Variants in CCDC158 observed in about 807,000 individuals in gnomAD.
The protein encoded by CCDC158 is coiled-coil domain-containing protein 158.
CCDC158 carries 116 observed loss-of-function variants against 138.6 expected under a neutral mutation model. The observed-to-expected ratio is 0.84, with a 90% CI of 0.72 to 0.98. The LOEUF (loss-of-function observed/expected upper bound fraction) is 0.98. CCDC158 is among the 50% of genes least tolerant of loss of function. CCDC158 has a pLI of 0.00. For synonymous variants in CCDC158, 436 were observed against 442.4 expected (o/e 0.99, Z 0.18); for missense variants, 1,265 against 1,306.1 (o/e 0.97, Z 0.48).
At chr4:76,388,053 T>C (rs1319741829) in intron 4 of CCDC158, among the ~76,000 whole-genome samples, 1 of 151,776 alleles carries the variant, frequency 6.6e-6, no homozygotes, top group East Asian at 1.9e-4. Flanking sequence ...TAAAGAGCTC[T>C]TGGGCCCTGA....
chr4:76,406,674 T>C (rs1728852855), intron 2 of CCDC158, among the ~76,000 whole-genome samples: 1 of 151,850 alleles, frequency 6.6e-6, no homozygotes, highest in South Asian at 2.1e-4. Context: ...AAAATCAAAA[T>C]CTCCAAATTA....
At chr4:76,374,274 A>G (rs1157689601) in intron 9 of CCDC158, among the ~76,000 whole-genome samples, 2 of 152,254 alleles carry the variant, frequency 1.3e-5, no homozygotes. Context: ...AAAATGAATG[A>G]ACAATATCAA....
chr4:76,392,276 G>A (rs1179820558), intron 4 of CCDC158, among the ~76,000 whole-genome samples: 4 of 151,968 alleles, frequency 2.6e-5, no homozygotes, highest in Non-Finnish European at 5.9e-5. Flanking sequence ...CATATATCAT[G>A]ACTAAGTGGG....
rs2110130637 is a variant in CCDC158, at chr4:76,340,228, T to TG, written c.2665-6062_2665-6061insC. 3.3e-5 allele frequency among the ~76,000 whole-genome samples: 5 copies of TG among 152,358 alleles called. No homozygotes were observed. In the South Asian group the frequency reaches 1.0e-3, roughly 32 times the overall value. The stretch of plus-strand genomic sequence containing the variant: ...TGGGATTTTTGACATGTGTCAAAAT[T>TG]ATCAGAGATTTTGAAAGAGGCTGTG... On this transcript the variant is annotated intron_variant, in intron 18 of 24. Coordinates refer to ENST00000682701, the MANE Select transcript of CCDC158 (RefSeq NM_001394954.1).
At position 76,396,404 on chromosome 4, in the gene CCDC158, A is replaced by T; in HGVS notation, c.153T>A (p.Val51=). ...CCACTTCATATTTAGGGAAAAAAGG[A>T]ACCTGTGTCAAAGTCCCAGCTGAAG... ...NTSSAGTLTQ[V]PFFPKYEVEL... Residue 51 remains valine (V), a synonymous_variant, in exon 4 of 25, where the codon GTT becomes GTA. Transcript: ENST00000682701. 2 of 1,614,006 alleles carry T rather than the reference A, an allele frequency of 1.2e-6. No homozygotes were observed. Among genetic ancestry groups the T allele is most frequent in the East Asian group, 2.2e-5 (1 of 44,854 alleles).
At chr4:76,322,690 A>G (rs552941976) in intron 24 of CCDC158, among the ~76,000 whole-genome samples, 62 of 152,348 alleles carry the variant, frequency 4.1e-4, no homozygotes, top group African/African-American at 1.5e-3. Context: ...GGATTCATGA[A>G]GGCGGGTTAT....
chr4:76,420,552 C>T (rs1369973539), intron 1 of CCDC158, among the ~76,000 whole-genome samples: 2 of 152,222 alleles, frequency 1.3e-5, no homozygotes, highest in South Asian at 2.1e-4. Flanking sequence ...TGAAAGGGCC[C>T]TTGCGCCGGC....
Position 76,379,285 on chromosome 4 carries a change from CT to C in CCDC158, c.1029+4del, listed in dbSNP as rs765085096. Reference sequence around the variant, plus strand: ...TAGAAACAGACCAGCAAAACCTAAACTCACCTTGTCTTCATACATCCTTTTG... The same window carrying C: ...TAGAAACAGACCAGCAAAACCTAAACCACCTTGTCTTCATACATCCTTTTG... On this transcript the variant is annotated splice_donor_region_variant and intron_variant, in intron 9 of 24. Coordinates refer to ENST00000682701, the MANE Select transcript of CCDC158 (RefSeq NM_001394954.1). The C allele has an allele frequency of 3.6e-5, 56 of 1,574,364 alleles. No individual in the cohort carries two copies. Among genetic ancestry groups the C allele is most frequent in the Non-Finnish European group, 4.7e-5 (54 of 1,155,906 alleles).
At chr4:76,335,680 A>G (rs1721413845) in intron 18 of CCDC158, among the ~76,000 whole-genome samples, 1 of 152,106 alleles carries the variant, frequency 6.6e-6, no homozygotes, top group African/African-American at 2.4e-5. Context: ...CCCAGGCTCA[A>G]GCAATCCTCC....
At chr4:76,385,212 A>G (rs1726674981) in intron 4 of CCDC158, among the ~76,000 whole-genome samples, 1 of 152,236 alleles carries the variant, frequency 6.6e-6, no homozygotes, top group African/African-American at 2.4e-5. Flanking sequence ...CTGCCCATGA[A>G]TAGAAAGTTT....
intron 22 of CCDC158, among the ~76,000 whole-genome samples, chr4:76,326,981 TGTG>T (rs1191311380): frequency 1.3e-5 from 2 of 152,118 alleles, no homozygotes; most frequent in Admixed American, 6.5e-5. Context: ...AATAATTAAA[TGTG>T]GTATTCATAT....
At chr4:76,374,214 A>G (rs1725513387) in intron 9 of CCDC158, among the ~76,000 whole-genome samples, 1 of 152,198 alleles carries the variant, frequency 6.6e-6, no homozygotes. Context: ...AAAAGAAATG[A>G]AAAAGTCCCA....
chr4:76,341,936 C>T (rs528725262), intron 18 of CCDC158, among the ~76,000 whole-genome samples: 8 of 152,212 alleles, frequency 5.3e-5, no homozygotes, highest in East Asian at 1.9e-4. Flanking sequence ...TATCTATTTA[C>T]GTCATCAACT....
chr4:76,395,530 T>G (rs1306753905), intron 4 of CCDC158, among the ~76,000 whole-genome samples: 2 of 152,110 alleles, frequency 1.3e-5, no homozygotes, highest in Non-Finnish European at 2.9e-5. Flanking sequence ...GGCTGAGTCT[T>G]GGTGCATAAT....
intron 3 of CCDC158, among the ~76,000 whole-genome samples, chr4:76,397,858 T>G (rs1304158920): frequency 3.3e-5 from 5 of 152,184 alleles, no homozygotes; most frequent in Admixed American, 2.0e-4. Flanking sequence ...CTAAATATGA[T>G]TCCCTCCTAA....
chr4:76,318,271 T>C (rs1457401766), intron 24 of CCDC158, among the ~76,000 whole-genome samples: 1 of 152,052 alleles, frequency 6.6e-6, no homozygotes, highest in Middle Eastern at 3.2e-3. Flanking sequence ...TTAGTGAGAT[T>C]AACCAAGAAA....
intron 9 of CCDC158, among the ~76,000 whole-genome samples, chr4:76,377,112 G>T (rs946197399): frequency 1.3e-5 from 2 of 152,108 alleles, no homozygotes; most frequent in Non-Finnish European, 2.9e-5. Context: ...GGACATTTCA[G>T]TATTTGTGAA....
intron 3 of CCDC158, among the ~76,000 whole-genome samples, chr4:76,397,069 T>C (rs1394548016): frequency 1.3e-5 from 2 of 152,186 alleles, no homozygotes; most frequent in Admixed American, 1.3e-4. Context: ...GGGGGCAAAC[T>C]GGTGGTGGTT....
rs1298051999 is a variant in CCDC158 at position 76,367,562 on chromosome 4, T to C, written c.1562A>G (p.Lys521Arg). 1 of 1,614,236 alleles carries C rather than the reference T, an allele frequency of 6.2e-7. No individual in the cohort carries two copies. Reference sequence around the variant, plus strand: ...TTTCAAGTCCACCCGGGAGCGGAGCTTTGTGATCTCTGCATTGGTAGCCTC... The same window carrying C: ...TTTCAAGTCCACCCGGGAGCGGAGCCTTGTGATCTCTGCATTGGTAGCCTC... ...AIEATNAEIT[K>R]LRSRVDLKLQ... Residue 521 changes from lysine (K) to arginine (R), a missense_variant, in exon 12 of 25, where the codon AAG becomes AGG. Coordinates refer to ENST00000682701, the MANE Select transcript of CCDC158 (RefSeq NM_001394954.1).
Sources: allele counts gnomAD v4.1 joint callset (sites outside exome capture counted in the v4.1 genomes callset), GRCh38; gene constraint gnomAD v4.1.1; transcripts MANE v1.5; gene names NCBI Gene and HGNC (gene_info 2026-07-23, HGNC 2026-07-21).